Variants in ARHGAP31 observed in about 807,000 individuals in gnomAD.
ARHGAP31 encodes Rho GTPase activating protein 31, also known as rho GTPase-activating protein 31.
In ARHGAP31, 34 loss-of-function variants were observed where a neutral mutation model predicts 113.9. That is an observed-to-expected ratio of 0.30 (90% confidence interval 0.23 to 0.40). The LOEUF is 0.40. ARHGAP31 is among the 10% of genes least tolerant of loss of function. The pLI, the probability that ARHGAP31 is intolerant of heterozygous loss-of-function variation, is 1.00. For synonymous variants in ARHGAP31, 650 were observed against 684.8 expected (o/e 0.95, Z 0.79); for missense variants, 1,548 against 1,767.1 (o/e 0.88, Z 2.22).
At chr3:119,327,619 C>G (rs1318624583) in intron 1 of ARHGAP31, among the ~76,000 whole-genome samples, 1 of 152,184 alleles carries the variant, frequency 6.6e-6, no homozygotes, top group Non-Finnish European at 1.5e-5. Flanking sequence ...CTCCCACTCA[C>G]TTCTTCCTGC....
chr3:119,303,076 AC>A (rs2079599312), intron 1 of ARHGAP31, among the ~76,000 whole-genome samples: 2 of 152,150 alleles, frequency 1.3e-5, no homozygotes, highest in South Asian at 4.1e-4. Flanking sequence ...TATGCATTCT[AC>A]CTGTTGTTTT....
At chr3:119,401,752 C>T in intron 9 of ARHGAP31, 70 bp from the exon 10 acceptor site, 1 of 1,434,684 alleles carries the variant, frequency 7.0e-7, no homozygotes, top group Non-Finnish European at 9.8e-7. Context: ...CGTGTGCCTG[C>T]CCTTACTGGA....
chr3:119,308,547 C>G (rs530035774), intron 1 of ARHGAP31, among the ~76,000 whole-genome samples: 1 of 152,200 alleles, frequency 6.6e-6, no homozygotes, highest in East Asian at 1.9e-4. Flanking sequence ...CTTTCTCTAC[C>G]CACAGCTGGG....
Position 119,413,939 on chromosome 3 carries a change from A to C in ARHGAP31, c.2010A>C (p.Ser670=). ...LKIIESEEEL[S]SLPPPALKTS... Reference sequence around the variant, plus strand: ...TCATTGAATCTGAGGAGGAGCTCTCATCGTTGCCACCTCCTGCTCTGAAGA... The same window carrying C: ...TCATTGAATCTGAGGAGGAGCTCTCCTCGTTGCCACCTCCTGCTCTGAAGA... Residue 670 remains serine (S), a synonymous_variant, in exon 12 of 12, where the codon TCA becomes TCC. Transcript: ENST00000264245. 6.2e-7 allele frequency: 1 copy of C among 1,614,214 alleles called. No homozygotes were observed. Among genetic ancestry groups the C allele is most frequent in the Non-Finnish European group, 8.5e-7 (1 of 1,180,040 alleles).
chr3:119,300,872 A>C (rs148275776), intron 1 of ARHGAP31, among the ~76,000 whole-genome samples: 1 of 147,328 alleles, frequency 6.8e-6, no homozygotes, highest in East Asian at 2.0e-4. Context: ...GAAAGAAAGA[A>C]AGACACAGCC....
At chr3:119,383,294 A>C (rs2080419454) in intron 6 of ARHGAP31, 68 bp downstream of exon 6, 1 of 1,595,406 alleles carries the variant, frequency 6.3e-7, no homozygotes, top group East Asian at 2.2e-5. Context: ...GGTGGGACTC[A>C]ACAGAAAGTG....
chr3:119,376,896 G>A (rs1156783507), intron 3 of ARHGAP31, among the ~76,000 whole-genome samples: 1 of 152,168 alleles, frequency 6.6e-6, no homozygotes, highest in African/African-American at 2.4e-5. Context: ...GACTCTCCCT[G>A]TTTCAACACC....
rs574261979 is a variant in ARHGAP31 at position 119,398,275 on chromosome 3, T to C, written c.1007-924T>C. 4.6e-5 allele frequency among the ~76,000 whole-genome samples: 7 copies of C among 152,034 alleles called. No homozygotes were observed. The South Asian group carries it at 1.5e-3, about 32-fold the overall frequency. On this transcript the variant is annotated intron_variant, in intron 8 of 11. Transcript: ENST00000264245. ...AGAATAAGACCCTGTCTTAAAAAAA[T>C]AAATAAATAAAAATAAATTTAAAAA...
At chr3:119,409,900 T>C (rs747332421) in intron 11 of ARHGAP31, 124 bp downstream of exon 11, 2 of 1,003,332 alleles carry the variant, frequency 2.0e-6, no homozygotes, top group Non-Finnish European at 2.9e-6. Flanking sequence ...CCAAAGGGAC[T>C]TTAAGAGACA....
Position 119,393,606 on chromosome 3 carries a change from C to T in ARHGAP31, c.1006+15C>T, listed in dbSNP as rs1232010575. 1 of 1,613,608 alleles carries T rather than the reference C, an allele frequency of 6.2e-7. No homozygotes were observed. The highest frequency in any genetic ancestry group is 1.7e-5 in the Admixed American group (1 of 59,994). The stretch of plus-strand genomic sequence containing the variant: ...GAGGCTCTCGGGTAAGAATCAACAG[C>T]AATTGTTTTATGATACAAATATTTG... On this transcript the variant is annotated intron_variant, in intron 8 of 11. Transcript: ENST00000264245.
chr3:119,294,755 C>T lies in ARHGAP31; in HGVS notation c.-150C>T. 1 of 749,092 alleles carries T rather than the reference C, an allele frequency of 1.3e-6. No individual in the cohort carries two copies. Among genetic ancestry groups the T allele is most frequent in the South Asian group, 1.5e-5 (1 of 66,088 alleles). 46.4% of individuals were successfully genotyped at this position (749,092 alleles called of 1,614,324 possible). On this transcript the variant is annotated 5_prime_UTR_variant, in exon 1 of 12. Transcript: ENST00000264245. ...CGGCCCGCGGCCCGCGGGGTCCATG[C>T]GCAGGGCCCCCAGCCCAAGTTCTTC...
intron 9 of ARHGAP31, among the ~76,000 whole-genome samples, chr3:119,401,013 A>T (rs548352189): frequency 6.6e-6 from 1 of 152,188 alleles, no homozygotes; most frequent in South Asian, 2.1e-4. Flanking sequence ...TCTACTAAAA[A>T]TACAAAAATT....
chr3:119,350,832 C>T (rs1203827674), intron 1 of ARHGAP31, among the ~76,000 whole-genome samples: 1 of 152,102 alleles, frequency 6.6e-6, no homozygotes, highest in East Asian at 1.9e-4. Flanking sequence ...ACAAAACAAA[C>T]AAACAAAAAA....
intron 8 of ARHGAP31, among the ~76,000 whole-genome samples, chr3:119,393,960 A>G (rs532944458): frequency 2.2e-4 from 34 of 152,258 alleles, no homozygotes; most frequent in East Asian, 7.7e-4. Flanking sequence ...CTCACGCTAC[A>G]TTTGGTTGTC....
intron 1 of ARHGAP31, among the ~76,000 whole-genome samples, chr3:119,361,996 A>G (rs2080210885): frequency 6.6e-6 from 1 of 152,226 alleles, no homozygotes; most frequent in Non-Finnish European, 1.5e-5. Context: ...TTTGTACCAA[A>G]GCCAGAATAA....
intron 8 of ARHGAP31, among the ~76,000 whole-genome samples, chr3:119,396,361 G>A (rs1480499729): frequency 6.6e-6 from 1 of 152,196 alleles, no homozygotes; most frequent in African/African-American, 2.4e-5. Flanking sequence ...GAAAGTCACT[G>A]GCTTATGATC....
chr3:119,330,075 T>C lies in ARHGAP31; in HGVS notation c.100+35071T>C, dbSNP rs919627027. On this transcript the variant is annotated intron_variant, in intron 1 of 11. Transcript: ENST00000264245. ...TAGATATTTCCATTCAATCGTCTGATTGTTTGAACTGATCTAATCACCCCA... is the reference window on the plus strand; with the variant it reads ...TAGATATTTCCATTCAATCGTCTGACTGTTTGAACTGATCTAATCACCCCA... 6 of 912,678 alleles carry C rather than the reference T, an allele frequency of 6.6e-6. No homozygotes were observed. The African/African-American group carries it at 1.1e-4, about 16-fold the overall frequency. The allele number at this position is 912,678 out of a possible 1,614,324, so 56.5% of individuals were successfully genotyped here.
intron 1 of ARHGAP31, among the ~76,000 whole-genome samples, chr3:119,296,040 G>GA (rs2079531203): frequency 6.6e-6 from 1 of 152,318 alleles, no homozygotes; most frequent in Admixed American, 6.5e-5. Context: ...CAACAAAGGG[G>GA]AAAACTAAGG....
At chr3:119,333,611 C>T (rs780240050) in intron 1 of ARHGAP31, among the ~76,000 whole-genome samples, 1 of 152,140 alleles carries the variant, frequency 6.6e-6, no homozygotes. Context: ...CTTTGTAATC[C>T]GTGCCTCCCC....
Sources: allele counts gnomAD v4.1 joint callset (sites outside exome capture counted in the v4.1 genomes callset), GRCh38; gene constraint gnomAD v4.1.1; transcripts MANE v1.5; gene names NCBI Gene and HGNC (gene_info 2026-07-23, HGNC 2026-07-21).